The following MAEA variants were observed in gnomAD, a reference collection of about 807,000 sequenced individuals.
MAEA encodes macrophage erythroblast attacher, E3 ubiquitin ligase, also known as E3 ubiquitin-protein transferase MAEA.
Under a neutral mutation model 46.2 loss-of-function variants are expected in MAEA, and 22 were observed. That is an observed-to-expected ratio of 0.48 (90% CI 0.34 to 0.68). The LOEUF (loss-of-function observed/expected upper bound fraction) is 0.68. MAEA is among the 30% of genes least tolerant of loss of function. The pLI is 0.01. For synonymous variants in MAEA, 246 were observed against 222.6 expected (o/e 1.11, Z -0.94); for missense variants, 393 against 558.1 (o/e 0.70, Z 2.98).
chr4:1,319,436 C>T (rs58168130), intron 3 of MAEA, among the ~76,000 whole-genome samples: 9,647 of 152,078 alleles, frequency 0.063, 964 homozygotes, highest in African/African-American at 0.22. Context: ...AGTTGACGTA[C>T]GAGCCTGCTG....
Position 1,312,050 on chromosome 4 carries a change from C to T in MAEA, c.141C>T (p.Val47=), listed in dbSNP as rs1474255725. 2 of 1,613,896 alleles carry T rather than the reference C, an allele frequency of 1.2e-6. No homozygotes were observed. The highest frequency in any genetic ancestry group is 1.3e-5 in the African/African-American group (1 of 74,930). ...ACATTGACCGGGAGACCAGCCACGT[C>T]ACCATGGTGGTGGCCGAGCTGGAGA... ...QKNIDRETSH[V]TMVVAELEKT... The change falls in exon 2 of 9, where the codon GTC becomes GTT. Residue 47 remains valine (V), a synonymous_variant. Transcript: ENST00000303400.
At chr4:1,297,224 C>G (rs961556464) in intron 1 of MAEA, among the ~76,000 whole-genome samples, 12 of 152,226 alleles carry the variant, frequency 7.9e-5, no homozygotes, top group Non-Finnish European at 1.6e-4. Context: ...GCCGAGAACT[C>G]GGAGGTTTTC....
At chr4:1,302,626 C>A (rs1001354267) in intron 1 of MAEA, among the ~76,000 whole-genome samples, 1 of 152,126 alleles carries the variant, frequency 6.6e-6, no homozygotes, top group Non-Finnish European at 1.5e-5. Flanking sequence ...ACTACAGGCA[C>A]CTGCCACCAT....
chr4:1,311,835 T>C lies in MAEA; in HGVS notation c.70-144T>C. ...GCTTTTGTGGGTCTTGGTTGAGGTT[T>C]AGAGTAGATACTTTTGAGACCATGA... On this transcript the variant is annotated intron_variant, in intron 1 of 8. Transcript: ENST00000303400. This position sits in a 1 kb window ranked among gnomAD's most constrained non-coding sequence, Gnocchi z 4.4. 1.4e-6 allele frequency: 1 copy of C among 708,448 alleles called. No individual in the cohort carries two copies. The allele number at this position is 708,448 out of a possible 1,614,324, so 43.9% of individuals were successfully genotyped here.
intron 1 of MAEA, among the ~76,000 whole-genome samples, chr4:1,302,439 G>C (rs1032628710): frequency 1.3e-5 from 2 of 152,228 alleles, no homozygotes; most frequent in Non-Finnish European, 2.9e-5. Context: ...ATTCAGAATA[G>C]GTTAGGAACT....
chr4:1,294,239 C>T (rs998222959), intron 1 of MAEA, among the ~76,000 whole-genome samples: 2 of 152,244 alleles, frequency 1.3e-5, no homozygotes, highest in Admixed American at 1.3e-4. Context: ...CCTCTCCCAC[C>T]GTTTGCTGGT....
chr4:1,321,398 A>G (rs1335826400), intron 3 of MAEA, among the ~76,000 whole-genome samples: 3 of 152,168 alleles, frequency 2.0e-5, no homozygotes, highest in Non-Finnish European at 2.9e-5. Flanking sequence ...CAACACTGTG[A>G]GGGGTTTCAG....
intron 1 of MAEA, among the ~76,000 whole-genome samples, chr4:1,302,940 C>T (rs947068856): frequency 1.2e-4 from 19 of 152,064 alleles, no homozygotes; most frequent in African/African-American, 3.1e-4. Flanking sequence ...AAAACAATGG[C>T]GAGTTGTTGG....
rs59077405 is a variant in MAEA at position 1,320,811 on chromosome 4, A to T, written c.457-1570A>T. The stretch of plus-strand genomic sequence containing the variant: ...CAGAAAAGAAATCATCAAAGCAAAC[A>T]TGCAAGAGGCCGGGCACGGTGGCTC... On this transcript the variant is annotated intron_variant, in intron 3 of 8. Coordinates refer to ENST00000303400, the MANE Select transcript of MAEA (RefSeq NM_001017405.3). 2.9e-3 allele frequency among the ~76,000 whole-genome samples: 438 copies of T among 151,590 alleles called. 5 individuals carry two copies. Among genetic ancestry groups the T allele is most frequent in the African/African-American group, 0.01 (425 of 41,402 alleles).
In MAEA at chr4:1,311,491, G is replaced by A. The variant is rs375708906; in HGVS notation, c.70-488G>A. ...GTGGGTCGTGCACTTGTGGCTTCCC[G>A]TGCGTGTGTGAGGCTTGCTGTGCCC... On this transcript the variant is annotated intron_variant, in intron 1 of 8. Transcript: ENST00000303400. The surrounding 1 kb of genome is among the most constrained non-coding windows in gnomAD (Gnocchi z 4.4). Among the ~76,000 whole-genome samples the A allele has an allele frequency of 6.6e-6, 1 of 152,146 alleles. No individual in the cohort carries two copies. Among genetic ancestry groups the A allele is most frequent in the East Asian group, 1.9e-4 (1 of 5,182 alleles).
At chr4:1,326,014 C>T (rs1333169734) in intron 4 of MAEA, among the ~76,000 whole-genome samples, 1 of 151,862 alleles carries the variant, frequency 6.6e-6, no homozygotes, top group Non-Finnish European at 1.5e-5. Context: ...GGGCAGGGAC[C>T]TGAGCCCCTC....
At chr4:1,334,716 G>A (rs1216575889) in intron 6 of MAEA, 1 of 226,462 alleles carries the variant, frequency 4.4e-6, no homozygotes, top group Non-Finnish European at 7.3e-6. Context: ...GCAGGAAAAT[G>A]GGCCCCGTTG....
chr4:1,318,755 A>G (rs1737640402), intron 3 of MAEA, among the ~76,000 whole-genome samples: 1 of 152,126 alleles, frequency 6.6e-6, no homozygotes, highest in East Asian at 1.9e-4. Context: ...GACTTCCTGT[A>G]GGGGGCGCCA....
chr4:1,326,470 A>G (rs1261791512), intron 4 of MAEA, among the ~76,000 whole-genome samples: 2 of 152,150 alleles, frequency 1.3e-5, no homozygotes, highest in Non-Finnish European at 2.9e-5. Flanking sequence ...GACTGCGGTC[A>G]ATGTTGCCGC....
chr4:1,303,635 G>T (rs75548562), intron 1 of MAEA, among the ~76,000 whole-genome samples: 13,529 of 152,070 alleles, frequency 0.089, 1,274 homozygotes, highest in East Asian at 0.42. Context: ...GTTGGTGGTT[G>T]ATTGCCTGGG....
intron 1 of MAEA, chr4:1,309,567 A>G: frequency 6.8e-7 from 1 of 1,476,800 alleles, no homozygotes; most frequent in Non-Finnish European, 9.0e-7. Flanking sequence ...GCCCCGGGCC[A>G]GCGCTGGAGG....
chr4:1,325,600 C>T (rs1439433355), intron 4 of MAEA, among the ~76,000 whole-genome samples: 1 of 152,220 alleles, frequency 6.6e-6, no homozygotes, highest in Non-Finnish European at 1.5e-5. Flanking sequence ...GCAGCTGCGT[C>T]CTGCCTTTAG....
intron 1 of MAEA, among the ~76,000 whole-genome samples, chr4:1,304,334 A>G (rs6599298): frequency 0.14 from 21,417 of 151,974 alleles, 1,805 homozygotes; most frequent in African/African-American, 0.23. Context: ...GGGTGTCTCT[A>G]TGTTGCCCAG....
chr4:1,289,945 C>T lies in MAEA; in HGVS notation c.32C>T (p.Ser11Phe). The T allele has an allele frequency of 6.2e-7, 1 of 1,602,426 alleles. No homozygotes were observed. Among genetic ancestry groups the T allele is most frequent in the Non-Finnish European group, 8.5e-7 (1 of 1,174,300 alleles). The change falls in exon 1 of 9, where the codon TCC becomes TTC. Residue 11 changes from serine to phenylalanine, a missense_variant. Ser to Phe is a radical substitution (Grantham distance 155, BLOSUM62 -2). Around this residue, in one of 2 missense-constraint regions of MAEA, gnomAD observed 35 missense variants for 20.1 expected, o/e 1.74. Coordinates refer to ENST00000303400, the MANE Select transcript of MAEA (RefSeq NM_001017405.3). ...GTGCAGGAGTCGGCGGCTCAGTTGT[C>T]CATGACCCTGAAGGTCCAGGAGTAC... is the stretch of plus-strand genomic sequence containing the variant. MAVQESAAQLSMTLKVQEYPT... is the reference protein window; with the variant it reads MAVQESAAQLFMTLKVQEYPT...
Sources: allele counts gnomAD v4.1 joint callset (sites outside exome capture counted in the v4.1 genomes callset), GRCh38; gene constraint gnomAD v4.1.1; regional missense constraint gnomAD v4.1.1; non-coding constraint Gnocchi (gnomAD v3.1); transcripts MANE v1.5; gene names NCBI Gene and HGNC (gene_info 2026-07-23, HGNC 2026-07-21).